The following LEPR variants were observed in gnomAD, a reference collection of about 807,000 sequenced individuals.
LEPR encodes OB receptor.
Under a neutral mutation model 114.7 loss-of-function variants are expected in LEPR, and 56 were observed. The observed-to-expected ratio is 0.49, with a 90% CI of 0.39 to 0.61. The LOEUF is 0.61. Among genes scored for constraint, LEPR ranks in the 20% least tolerant of loss-of-function variants. LEPR has a pLI of 0.00. For missense variants in LEPR, 1,202 were observed against 1,352.9 expected, an observed-to-expected ratio of 0.89 and a Z score of 1.75; for synonymous variants, 443 against 461.4, an observed-to-expected ratio of 0.96 and a Z score of 0.51.
At chr1:65,550,084 A>T (rs1164816570) in intron 2 of LEPR, among the ~76,000 whole-genome samples, 2 of 152,072 alleles carry the variant, frequency 1.3e-5, no homozygotes, top group Admixed American at 6.5e-5. Flanking sequence ...TCCACTCCAG[A>T]CCCTGTTTGC....
intron 2 of LEPR, among the ~76,000 whole-genome samples, chr1:65,516,462 C>T (rs1340474442): frequency 1.3e-5 from 2 of 152,088 alleles, no homozygotes; most frequent in African/African-American, 4.8e-5. Flanking sequence ...ACAAACCAAA[C>T]CAAACCAAAC....
intron 2 of LEPR, among the ~76,000 whole-genome samples, chr1:65,514,314 T>C (rs903312005): frequency 2.0e-5 from 3 of 152,212 alleles, no homozygotes; most frequent in Non-Finnish European, 2.9e-5. Context: ...GAGTTACACG[T>C]TGAGCAATTG....
At position 65,598,786 on chromosome 1, in the gene LEPR, C is replaced by T. The variant is rs771516479; in HGVS notation, c.976C>T (p.Arg326Cys). 21 of 1,613,116 alleles carry T rather than the reference C, an allele frequency of 1.3e-5. No individual in the cohort carries two copies. Among genetic ancestry groups the T allele is most frequent in the Admixed American group, 1.7e-5 (1 of 59,888 alleles). ...AATCTGGAGTGACTGGAGTACTCCTCGTGTCTTTACCACACAAGGTAGGTT... is the reference window on the plus strand; with the variant it reads ...AATCTGGAGTGACTGGAGTACTCCTTGTGTCTTTACCACACAAGGTAGGTT... ...PGIWSDWSTPRVFTTQDVIYF... is the reference protein window; with the variant it reads ...PGIWSDWSTPCVFTTQDVIYF... Residue 326 changes from arginine (R) to cysteine (C), a missense_variant, in exon 8 of 20, where the codon CGT becomes TGT. Transcript: ENST00000349533.
At chr1:65,611,765 T>A (rs72923286) in intron 14 of LEPR, among the ~76,000 whole-genome samples, 10,679 of 152,294 alleles carry the variant, frequency 0.07, 838 homozygotes, top group South Asian at 0.21. Context: ...TATATCTGCA[T>A]TGTCCAATAT....
chr1:65,428,719 G>C (rs1465367774), intron 2 of LEPR, among the ~76,000 whole-genome samples: 1 of 152,084 alleles, frequency 6.6e-6, no homozygotes, highest in African/African-American at 2.4e-5. Flanking sequence ...ATATAAAAAT[G>C]AGCAGAGACT....
chr1:65,557,231 CATTTT>C (rs1311003432), intron 2 of LEPR, among the ~76,000 whole-genome samples: 1 of 152,086 alleles, frequency 6.6e-6, no homozygotes, highest in African/African-American at 2.4e-5. Flanking sequence ...CTGTTCATTT[CATTTT>C]AACTACTCAG....
intron 5 of LEPR, among the ~76,000 whole-genome samples, chr1:65,589,479 GA>G (rs1184230223): frequency 6.6e-6 from 1 of 151,904 alleles, no homozygotes; most frequent in Non-Finnish European, 1.5e-5. Context: ...TCATATATAA[GA>G]AATTTTTAAT....
At chr1:65,462,611 C>G (rs999131406) in intron 2 of LEPR, among the ~76,000 whole-genome samples, 2 of 152,220 alleles carry the variant, frequency 1.3e-5, no homozygotes, top group East Asian at 3.8e-4. Flanking sequence ...TTTACACTCC[C>G]ACCAACAGTG....
chr1:65,502,198 G>A (rs915100094), intron 2 of LEPR, among the ~76,000 whole-genome samples: 1 of 152,174 alleles, frequency 6.6e-6, no homozygotes, highest in Non-Finnish European at 1.5e-5. Context: ...GGCTATTAAG[G>A]TGAACCCTAA....
chr1:65,452,488 AG>A (rs1213129292), intron 2 of LEPR, among the ~76,000 whole-genome samples: 2 of 151,994 alleles, frequency 1.3e-5, no homozygotes, highest in Non-Finnish European at 2.9e-5. Flanking sequence ...TTTAGCATGA[AG>A]GGTTGTTGAA....
At chr1:65,614,821 G>T (rs1657426460) in intron 14 of LEPR, among the ~76,000 whole-genome samples, 1 of 152,150 alleles carries the variant, frequency 6.6e-6, no homozygotes, top group Admixed American at 6.5e-5. Flanking sequence ...ATGACATCCA[G>T]TAGTAAGACA....
intron 2 of LEPR, among the ~76,000 whole-genome samples, chr1:65,472,780 A>T (rs1396919891): frequency 6.6e-6 from 1 of 152,134 alleles, no homozygotes; most frequent in African/African-American, 2.4e-5. Flanking sequence ...TCTGGAAAGG[A>T]TGTGCGCTTT....
chr1:65,575,155 G>A (rs1654493542), intron 5 of LEPR, among the ~76,000 whole-genome samples: 1 of 152,150 alleles, frequency 6.6e-6, no homozygotes, highest in South Asian at 2.1e-4. Context: ...AAAACAGGAA[G>A]GATCAACTCC....
chr1:65,496,571 GAAAACA>G (rs1157868912), intron 2 of LEPR, among the ~76,000 whole-genome samples: 3 of 151,922 alleles, frequency 2.0e-5, no homozygotes, highest in East Asian at 3.9e-4. Flanking sequence ...CCCTCTCTCA[GAAAACA>G]AAAACAAAAA....
chr1:65,485,441 C>T (rs1570539841), intron 2 of LEPR, among the ~76,000 whole-genome samples: 1 of 152,262 alleles, frequency 6.6e-6, no homozygotes, highest in East Asian at 1.9e-4. Flanking sequence ...GACCCAAACC[C>T]TCTGCCCTGT....
chr1:65,614,216 A>G (rs528782883), intron 14 of LEPR, among the ~76,000 whole-genome samples: 1 of 152,360 alleles, frequency 6.6e-6, no homozygotes, highest in East Asian at 1.9e-4. Flanking sequence ...TTCAAAAATG[A>G]AACGATTCTG....
intron 19 of LEPR, chr1:65,634,217 C>T (rs558853745): frequency 3.3e-5 from 32 of 962,080 alleles, no homozygotes; most frequent in East Asian, 1.2e-4. Context: ...ATTATATATG[C>T]GTATATATGT....
Position 65,637,113 on chromosome 1 carries a change from A to G in LEPR, c.*98A>G, listed in dbSNP as rs1051676627. 6 of 1,311,764 alleles carry G rather than the reference A, an allele frequency of 4.6e-6. No individual in the cohort carries two copies. Among genetic ancestry groups the G allele is most frequent in the Non-Finnish European group, 6.3e-6 (6 of 949,512 alleles). 81.3% of individuals were successfully genotyped at this position (1,311,764 alleles called of 1,614,324 possible). On this transcript the variant is annotated 3_prime_UTR_variant, in exon 20 of 20. Coordinates refer to ENST00000349533, the MANE Select transcript of LEPR (RefSeq NM_002303.6). ...GGAGAGAGAAAAGAAACCAGAGTCA[A>G]ATTTGAAAATAATTGTTCCAAATGA...
chr1:65,453,906 T>C (rs1353606249), intron 2 of LEPR, among the ~76,000 whole-genome samples: 3 of 151,468 alleles, frequency 2.0e-5, no homozygotes, highest in African/African-American at 7.3e-5. Flanking sequence ...ATTATTATTG[T>C]GTGGGAGTCT....
Sources: allele counts gnomAD v4.1 joint callset (sites outside exome capture counted in the v4.1 genomes callset), GRCh38; gene constraint gnomAD v4.1.1; transcripts MANE v1.5; gene names NCBI Gene and HGNC (gene_info 2026-07-23, HGNC 2026-07-21).